Variants in SLC25A48 observed in about 807,000 individuals in gnomAD.
The protein encoded by SLC25A48 is CTC-321K16.1.
Under a neutral mutation model 32.2 loss-of-function variants are expected in SLC25A48, and 29 were observed. The observed-to-expected ratio is 0.90, with a 90% CI of 0.67 to 1.23. The LOEUF (loss-of-function observed/expected upper bound fraction) is 1.23. SLC25A48 is among the 50% of genes most tolerant of loss of function. The pLI is 0.00. For missense variants in SLC25A48, 399 were observed against 422.7 expected (o/e 0.94, Z 0.49); for synonymous variants, 164 against 172.3 (o/e 0.95, Z 0.38).
chr5:135,834,755 G>A lies in SLC25A48; in HGVS notation c.-93G>A. 1 of 1,358,516 alleles carries A rather than the reference G, an allele frequency of 7.4e-7. No homozygotes were observed. The highest frequency in any genetic ancestry group is 1.5e-5 in the South Asian group (1 of 68,058). 84.2% of individuals were successfully genotyped at this position (1,358,516 alleles called of 1,614,324 possible). On this transcript the variant is annotated 5_prime_UTR_variant, in exon 1 of 8. Transcript: ENST00000681962. ...GCGGCGTGCTCGAGACTCCGACTTC[G>A]GTCTTGCGGCGCGCTCGCGCCCGCG...
chr5:135,580,507 C>A (rs967517419), intron 1 of SLC25A48, among the ~76,000 whole-genome samples: 1 of 152,162 alleles, frequency 6.6e-6, no homozygotes, highest in African/African-American at 2.4e-5. Flanking sequence ...CTCTTCCCAA[C>A]TGGAGAGCCC....
chr5:135,592,572 T>G (rs1751553114), intron 1 of SLC25A48, among the ~76,000 whole-genome samples: 1 of 152,044 alleles, frequency 6.6e-6, no homozygotes, highest in African/African-American at 2.4e-5. Context: ...AGGTTAAATC[T>G]CTTGGAAAAG....
chr5:135,588,096 G>A (rs774490429), intron 1 of SLC25A48, among the ~76,000 whole-genome samples: 4 of 152,204 alleles, frequency 2.6e-5, no homozygotes, highest in Non-Finnish European at 5.9e-5. Flanking sequence ...CGTGGCTGAC[G>A]GTCCAGTGTC....
intron 7 of SLC25A48, among the ~76,000 whole-genome samples, chr5:135,887,204 G>A (rs557716676): frequency 3.9e-5 from 6 of 152,052 alleles, no homozygotes; most frequent in Non-Finnish European, 7.4e-5. Context: ...TATAATTAAC[G>A]AGAAGACTTG....
intron 3 of SLC25A48, among the ~76,000 whole-genome samples, chr5:135,787,311 C>A (rs555854289): frequency 5.9e-5 from 9 of 152,098 alleles, no homozygotes; most frequent in Non-Finnish European, 1.2e-4. Flanking sequence ...TGATATTATT[C>A]ATAATATTTT....
intron 3 of SLC25A48, among the ~76,000 whole-genome samples, chr5:135,775,571 T>G (rs961193574): frequency 2.0e-5 from 3 of 151,394 alleles, no homozygotes; most frequent in African/African-American, 7.3e-5. Flanking sequence ...GTTCCTAATA[T>G]CTGGTGGGGG....
intron 3 of SLC25A48, among the ~76,000 whole-genome samples, chr5:135,771,943 T>G (rs1756424541): frequency 6.6e-6 from 1 of 151,200 alleles, no homozygotes; most frequent in Non-Finnish European, 1.5e-5. Flanking sequence ...TTCTGTAATA[T>G]TGTATGTAAT....
chr5:135,782,654 C>G (rs1288488920), intron 3 of SLC25A48, among the ~76,000 whole-genome samples: 9 of 116,590 alleles, frequency 7.7e-5, no homozygotes, highest in African/African-American at 2.1e-4. Flanking sequence ...CTGTATACCC[C>G]TCCCGTGATA....
At chr5:135,632,551 T>G (rs1259249603) in intron 2 of SLC25A48, among the ~76,000 whole-genome samples, 1 of 152,180 alleles carries the variant, frequency 6.6e-6, no homozygotes, top group Non-Finnish European at 1.5e-5. Context: ...TCAAGGTTGA[T>G]TCTGGCCTCT....
intron 3 of SLC25A48, chr5:135,653,943 G>T: frequency 2.2e-6 from 1 of 456,180 alleles, no homozygotes; most frequent in South Asian, 1.5e-5. Context: ...TCTGGGGCTG[G>T]GAAGCTTTGG....
At chr5:135,644,962 A>G (rs1752925106) in intron 3 of SLC25A48, among the ~76,000 whole-genome samples, 1 of 148,624 alleles carries the variant, frequency 6.7e-6, no homozygotes, top group South Asian at 2.1e-4. Context: ...CAGTTCAAAT[A>G]CAAGAACTCT....
intron 3 of SLC25A48, among the ~76,000 whole-genome samples, chr5:135,807,767 TATC>T (rs1413492465): frequency 6.6e-6 from 1 of 150,562 alleles, no homozygotes; most frequent in Admixed American, 6.6e-5. Context: ...ATTTTATTAA[TATC>T]ATTGTGTGTT....
intron 4 of SLC25A48, among the ~76,000 whole-genome samples, chr5:135,870,419 G>C (rs1213066888): frequency 6.6e-6 from 1 of 152,198 alleles, no homozygotes; most frequent in Non-Finnish European, 1.5e-5. Flanking sequence ...ACAAGCATCA[G>C]AGTGGGAGAT....
At chr5:135,727,878 G>A (rs1030566426) in intron 3 of SLC25A48, among the ~76,000 whole-genome samples, 7 of 152,142 alleles carry the variant, frequency 4.6e-5, no homozygotes, top group South Asian at 2.1e-4. Flanking sequence ...TTTCTTTGCC[G>A]TTCCAAATTT....
At chr5:135,638,293 C>A (rs550198568) in intron 3 of SLC25A48, among the ~76,000 whole-genome samples, 2 of 152,052 alleles carry the variant, frequency 1.3e-5, no homozygotes, top group South Asian at 4.2e-4. Flanking sequence ...GAGAAATAAC[C>A]GAAATTCTGT....
At chr5:135,851,174 G>A (rs1397314118) in intron 3 of SLC25A48, among the ~76,000 whole-genome samples, 1 of 152,178 alleles carries the variant, frequency 6.6e-6, no homozygotes. Context: ...TCCCACTGTA[G>A]CCATTGTCTC....
chr5:135,727,180 C>G (rs942035513), intron 3 of SLC25A48, among the ~76,000 whole-genome samples: 1 of 85,306 alleles, frequency 1.2e-5, no homozygotes, highest in Non-Finnish European at 2.7e-5. Context: ...TATATAGCCA[C>G]AGGCTATATA....
chr5:135,792,619 G>A (rs4499826), intron 3 of SLC25A48, among the ~76,000 whole-genome samples: 99,380 of 151,524 alleles, frequency 0.66, 34,555 homozygotes, highest in Non-Finnish European at 0.78. Flanking sequence ...TTGTTTGTAC[G>A]TCTTTGGATA....
At chr5:135,717,520 A>G (rs1431810013) in intron 3 of SLC25A48, among the ~76,000 whole-genome samples, 2 of 152,240 alleles carry the variant, frequency 1.3e-5, no homozygotes, top group East Asian at 3.8e-4. Context: ...TGCAGATGTA[A>G]TTAGTTAAAA....
Sources: allele counts gnomAD v4.1 joint callset (sites outside exome capture counted in the v4.1 genomes callset), GRCh38; gene constraint gnomAD v4.1.1; transcripts MANE v1.5; gene names NCBI Gene and HGNC (gene_info 2026-07-23, HGNC 2026-07-21).